ANXA8: variants seen among roughly 807,000 people sequenced by gnomAD.
ANXA8 encodes the protein annexin A8, also known as VAC-beta.
Under a neutral mutation model 26.8 loss-of-function variants are expected in ANXA8, and 9 were observed. The ratio of observed to expected loss-of-function variants is 0.34; its 90% confidence interval spans 0.20 to 0.59. ANXA8 has a LOEUF of 0.59. ANXA8 is among the 20% of genes least tolerant of loss of function. The pLI, the probability that ANXA8 is intolerant of heterozygous loss-of-function variation, is 0.84. For synonymous variants in ANXA8, 39 were observed against 94.8 expected (o/e 0.41, Z 3.42); for missense variants, 83 against 238.5 (o/e 0.35, Z 4.29).
At chr10:47,767,779 C>T in the ANXA8 span, among the ~76,000 whole-genome samples, 1 of 151,462 alleles carries the variant, frequency 6.6e-6, no homozygotes, top group Non-Finnish European at 1.5e-5. Context: ...AGAGACACCT[C>T]CTTTCTGGCA....
At chr10:47,520,600 T>G in the ANXA8 span, 4 of 1,486,544 alleles carry the variant, frequency 2.7e-6, 1 homozygote, top group South Asian at 4.7e-5. Flanking sequence ...GAAAAAGAGA[T>G]GCAATCATTG....
At chr10:47,610,696 C>A in the ANXA8 span, among the ~76,000 whole-genome samples, 5 of 150,270 alleles carry the variant, frequency 3.3e-5, no homozygotes, top group African/African-American at 7.4e-5. Context: ...AACACTGCAA[C>A]AGCTATAAAT....
chr10:47,587,904 G>C, the ANXA8 span, among the ~76,000 whole-genome samples: 13 of 146,234 alleles, frequency 8.9e-5, 3 homozygotes, highest in African/African-American at 3.3e-4. Flanking sequence ...ACCTGGCTGT[G>C]AACTGGGGTG....
At chr10:47,942,505 G>T in the ANXA8 span, among the ~76,000 whole-genome samples, 2 of 139,698 alleles carry the variant, frequency 1.4e-5, no homozygotes, top group East Asian at 4.4e-4. Context: ...TTCTCCCACA[G>T]ATTGCTGGCT....
At chr10:47,947,716 T>C in the ANXA8 span, among the ~76,000 whole-genome samples, 1 of 150,668 alleles carries the variant, frequency 6.6e-6, no homozygotes. Flanking sequence ...TCCCCAACCA[T>C]GCTTCCTGTA....
the ANXA8 span, chr10:47,588,836 A>G: frequency 2.1e-5 from 2 of 97,490 alleles, no homozygotes; most frequent in East Asian, 2.4e-4. Context: ...TTTTTTTGAG[A>G]CAGGGTCTCA....
At chr10:47,549,141 T>C in the ANXA8 span, among the ~76,000 whole-genome samples, 1 of 151,718 alleles carries the variant, frequency 6.6e-6, no homozygotes, top group South Asian at 2.1e-4. Context: ...CATTTATTAC[T>C]AATATTATTA....
chr10:47,657,188 T>G, the ANXA8 span, among the ~76,000 whole-genome samples: 31 of 151,764 alleles, frequency 2.0e-4, no homozygotes, highest in Non-Finnish European at 1.3e-4. Context: ...TCCAAATAGC[T>G]ATTTCACTTT....
chr10:47,640,970 C>G, the ANXA8 span, among the ~76,000 whole-genome samples: 1 of 132,578 alleles, frequency 7.5e-6, no homozygotes, highest in African/African-American at 3.4e-5. Context: ...ACCAGACAAA[C>G]ACTGAGCTCT....
At chr10:47,980,896 A>C in the ANXA8 span, among the ~76,000 whole-genome samples, 1 of 151,540 alleles carries the variant, frequency 6.6e-6, no homozygotes, top group Non-Finnish European at 1.5e-5. Context: ...CAAACATTTA[A>C]AAAAGATTAT....
chr10:47,778,360 A>G, the ANXA8 span, among the ~76,000 whole-genome samples: 1 of 148,056 alleles, frequency 6.8e-6, no homozygotes, highest in African/African-American at 2.5e-5. Context: ...CCTTTTATTT[A>G]TCAGCCTGTA....
the ANXA8 span, chr10:47,501,795 A>G: frequency 4.3e-6 from 2 of 461,238 alleles, no homozygotes; most frequent in Non-Finnish European, 7.5e-6. Flanking sequence ...TTTCAAATAT[A>G]TTTTCACACA....
chr10:47,631,635 C>T, the ANXA8 span, among the ~76,000 whole-genome samples: 1 of 150,278 alleles, frequency 6.7e-6, no homozygotes, highest in South Asian at 2.1e-4. Context: ...AGAACCACTG[C>T]ACAAAATGGT....
At chr10:47,502,033 T>G in the ANXA8 span, 2 of 1,477,822 alleles carry the variant, frequency 1.4e-6, no homozygotes, top group Non-Finnish European at 1.8e-6. Flanking sequence ...TTTTCCCATT[T>G]TGTTTTTGCA....
At chr10:47,693,465 T>A in the ANXA8 span, among the ~76,000 whole-genome samples, 4 of 151,634 alleles carry the variant, frequency 2.6e-5, no homozygotes, top group Non-Finnish European at 5.9e-5. Context: ...AATTTTTTTG[T>A]ATTTTTAGTA....
chr10:47,930,027 T>C, the ANXA8 span, among the ~76,000 whole-genome samples: 1 of 152,146 alleles, frequency 6.6e-6, no homozygotes, highest in Admixed American at 6.5e-5. Flanking sequence ...CACTTCCCAC[T>C]ACCCTTCCCC....
At chr10:47,733,187 T>TTCTTTCTTTCTCTCTCTCTC in the ANXA8 span, among the ~76,000 whole-genome samples, 1 of 94,308 alleles carries the variant, frequency 1.1e-5, no homozygotes, top group African/African-American at 3.3e-5. Flanking sequence ...CTTTCTTTCT[T>TTCTTTCTTTCTCTCTCTCTC]TCTTTCTTTC....
the ANXA8 span, among the ~76,000 whole-genome samples, chr10:47,683,145 A>T: frequency 6.6e-6 from 1 of 151,170 alleles, no homozygotes; most frequent in Non-Finnish European, 1.5e-5. Flanking sequence ...AAATCATCTT[A>T]TATCTTTTCA....
chr10:47,505,339 T>A, the ANXA8 span, among the ~76,000 whole-genome samples: 1 of 78,054 alleles, frequency 1.3e-5, no homozygotes, highest in Non-Finnish European at 2.4e-5. Flanking sequence ...ACCAATTACA[T>A]TAGTAGTCAT....
Sources: gnomAD v4.1 joint callset for allele counts (sites outside exome capture counted in the v4.1 genomes callset) on GRCh38, gnomAD v4.1.1 for gene constraint, MANE v1.5 for transcripts, NCBI Gene and HGNC (gene_info 2026-07-23, HGNC 2026-07-21) for gene names.